GRM7: variants seen among roughly 807,000 people sequenced by gnomAD.
GRM7 encodes glutamate metabotropic receptor 7.
A neutral mutation model predicts 84.5 loss-of-function variants in GRM7; 35 were observed. That is an observed-to-expected ratio of 0.41 (90% CI 0.32 to 0.55). GRM7 has a LOEUF of 0.55. Among genes scored for constraint, GRM7 ranks in the 20% least tolerant of loss-of-function variants. The pLI, the probability that GRM7 is intolerant of heterozygous loss-of-function variation, is 0.19. For synonymous variants in GRM7, 487 were observed against 455.1 expected (o/e 1.07, Z -0.89); for missense variants, 1,003 against 1,194.6 (o/e 0.84, Z 2.36).
intron 6 of GRM7, among the ~76,000 whole-genome samples, chr3:7,455,760 A>G (rs1471375040): frequency 6.6e-6 from 1 of 152,176 alleles, no homozygotes; most frequent in Non-Finnish European, 1.5e-5. Flanking sequence ...TGCTAGAAAA[A>G]ACACTAATGG....
chr3:7,200,984 T>TTG, intron 2 of GRM7, among the ~76,000 whole-genome samples: 1 of 147,688 alleles, frequency 6.8e-6, no homozygotes, highest in South Asian at 2.2e-4. Flanking sequence ...TTTTTTTTTT[T>TTG]TTTGAGACAC....
rs1696819637 is a variant in GRM7 at position 7,431,253 on chromosome 3, T to C, written c.1174+16090T>C. Among the ~76,000 whole-genome samples, 4 of 152,186 alleles carry C rather than the reference T, an allele frequency of 2.6e-5. No individual in the cohort carries two copies. The South Asian group carries it at 8.3e-4, about 31-fold the overall frequency. ...TTAAAAAAAGAATGGATTGTTGATA[T>C]ATGCAACAAAATGAATAAATCTCAA... On this transcript the variant is annotated intron_variant, in intron 5 of 9. Coordinates refer to ENST00000357716, the MANE Select transcript of GRM7 (RefSeq NM_000844.4).
intron 2 of GRM7, among the ~76,000 whole-genome samples, chr3:7,296,753 C>T (rs1181467251): frequency 6.6e-6 from 1 of 151,358 alleles, no homozygotes; most frequent in Non-Finnish European, 1.5e-5. Flanking sequence ...TTTGTTAGTT[C>T]TCCCTTTTTG....
intron 7 of GRM7, among the ~76,000 whole-genome samples, chr3:7,566,111 T>TTTTG (rs1694252487): frequency 3.4e-5 from 1 of 29,254 alleles, no homozygotes; most frequent in African/African-American, 8.6e-5. Flanking sequence ...CTGTTTTTTT[T>TTTTG]TTTTTTTTTT....
chr3:7,739,301 A>C (rs1022697586), intron 9 of GRM7, among the ~76,000 whole-genome samples: 3 of 152,166 alleles, frequency 2.0e-5, no homozygotes, highest in Non-Finnish European at 2.9e-5. Context: ...TGTTAATATG[A>C]CTTCTCCGTT....
intron 1 of GRM7, among the ~76,000 whole-genome samples, chr3:7,045,615 G>A (rs1037276615): frequency 6.6e-5 from 10 of 151,964 alleles, no homozygotes; most frequent in African/African-American, 9.7e-5. Flanking sequence ...TTTAGACTTG[G>A]CATATAAGTG....
intron 2 of GRM7, among the ~76,000 whole-genome samples, chr3:7,242,302 T>C (rs762437913): frequency 1.5e-4 from 23 of 152,128 alleles, no homozygotes; most frequent in Non-Finnish European, 2.5e-4. Context: ...AATTAGATGA[T>C]TGTGGTTGAG....
chr3:7,553,433 G>C (rs901709497), intron 7 of GRM7, among the ~76,000 whole-genome samples: 1 of 152,154 alleles, frequency 6.6e-6, no homozygotes, highest in Non-Finnish European at 1.5e-5. Flanking sequence ...TCAAGTGTCT[G>C]TATAGCAGCA....
chr3:6,907,149 C>G (rs1364035726), intron 1 of GRM7, among the ~76,000 whole-genome samples: 1 of 152,070 alleles, frequency 6.6e-6, no homozygotes, highest in African/African-American at 2.4e-5. Context: ...AAGCGATGCA[C>G]CCACCTCAGC....
intron 4 of GRM7, among the ~76,000 whole-genome samples, chr3:7,356,311 A>AT (rs1278731158): frequency 1.3e-5 from 2 of 149,316 alleles, no homozygotes; most frequent in African/African-American, 2.5e-5. Context: ...TTTTTTTTTT[A>AT]TTTTTTTTGA....
chr3:6,957,741 C>A (rs878966235), intron 1 of GRM7, among the ~76,000 whole-genome samples: 1 of 152,154 alleles, frequency 6.6e-6, no homozygotes, highest in Admixed American at 6.5e-5. Context: ...ACAAGTAACA[C>A]CTTCAATGTT....
intron 7 of GRM7, among the ~76,000 whole-genome samples, chr3:7,480,222 G>T (rs570479774): frequency 6.6e-6 from 1 of 152,122 alleles, no homozygotes; most frequent in African/African-American, 2.4e-5. Context: ...GCACAACTCC[G>T]CTAGGCCCCT....
At chr3:7,559,005 G>C (rs1143738) in intron 7 of GRM7, among the ~76,000 whole-genome samples, 79,618 of 151,986 alleles carry the variant, frequency 0.52, 22,203 homozygotes, top group African/African-American at 0.72. Context: ...TTATTTTGGT[G>C]TTGATTTTGT....
intron 9 of GRM7, among the ~76,000 whole-genome samples, chr3:7,688,471 C>T (rs894295387): frequency 3.9e-5 from 6 of 152,018 alleles, no homozygotes; most frequent in African/African-American, 1.4e-4. Context: ...ATTTGGTTCC[C>T]TTTTCTGACC....
At chr3:7,621,739 A>C (rs1027374883) in intron 8 of GRM7, among the ~76,000 whole-genome samples, 1 of 152,144 alleles carries the variant, frequency 6.6e-6, no homozygotes, top group African/African-American at 2.4e-5. Flanking sequence ...CAGCAATTAC[A>C]GAAAACGATG....
intron 7 of GRM7, among the ~76,000 whole-genome samples, chr3:7,562,515 A>G (rs1423620299): frequency 6.6e-6 from 1 of 152,102 alleles, no homozygotes; most frequent in Non-Finnish European, 1.5e-5. Flanking sequence ...GAGCGTTTGC[A>G]ACCCAGTTCA....
At chr3:7,708,480 C>G (rs976149500) in intron 9 of GRM7, among the ~76,000 whole-genome samples, 2 of 152,160 alleles carry the variant, frequency 1.3e-5, no homozygotes, top group Admixed American at 1.3e-4. Context: ...GAGGTGACGT[C>G]TGATCCATGT....
chr3:7,554,089 G>A (rs1011731953), intron 7 of GRM7, among the ~76,000 whole-genome samples: 9 of 152,184 alleles, frequency 5.9e-5, no homozygotes, highest in Non-Finnish European at 1.0e-4. Context: ...CTATGACGAA[G>A]CTATGCAAAG....
chr3:7,434,023 A>C (rs1696939591), intron 5 of GRM7, among the ~76,000 whole-genome samples: 1 of 149,196 alleles, frequency 6.7e-6, no homozygotes, highest in Admixed American at 6.7e-5. Context: ...TTCTTATTTC[A>C]TTATATAGAT....
Sources: gnomAD v4.1 joint callset for allele counts (sites outside exome capture counted in the v4.1 genomes callset) on GRCh38, gnomAD v4.1.1 for gene constraint, MANE v1.5 for transcripts, NCBI Gene and HGNC (gene_info 2026-07-23, HGNC 2026-07-21) for gene names.